Variants in SBF1 observed in about 807,000 individuals in gnomAD.
SBF1 encodes the protein SET binding factor 1.
SBF1 carries 65 observed loss-of-function variants against 215.8 expected under a neutral mutation model. The observed-to-expected ratio is 0.30, with a 90% CI of 0.25 to 0.37. The LOEUF (loss-of-function observed/expected upper bound fraction) is 0.37. Among genes scored for constraint, SBF1 ranks in the 10% least tolerant of loss-of-function variants. The probability of loss-of-function intolerance (pLI) is 1.00; values close to 1 mark genes in which losing one functional copy is unlikely to be tolerated. For synonymous variants in SBF1, 1,410 were observed against 1,122.8 expected (o/e 1.26, Z -5.11); for missense variants, 2,634 against 2,667.8 (o/e 0.99, Z 0.28).
rs2067410655 is a variant in SBF1, at chr22:50,459,543, C to T, written c.3615G>A (p.Val1205=). 1.2e-6 allele frequency: 2 copies of T among 1,610,452 alleles called. No homozygotes were observed. The highest frequency in any genetic ancestry group is 1.7e-6 in the Non-Finnish European group (2 of 1,179,722). The change falls in exon 27 of 41, where the codon GTG becomes GTA. Residue 1205 remains valine, a synonymous_variant. Transcript: ENST00000380817. The part of the protein sequence containing the change: ...VCWRSGRSKA[V]LLRSGGLHGK... ...CATGCAGGCCTCCAGAGCGCAGCAG[C>T]ACCGCCTTGGACCGCCCGCTGCGCC... is the stretch of plus-strand genomic sequence containing the variant.
chr22:50,460,226 T>C, intron 25 of SBF1, 46 bp downstream of exon 25: 2 of 1,601,458 alleles, frequency 1.2e-6, no homozygotes, highest in Non-Finnish European at 8.5e-7. Context: ...CCCTGGCCAA[T>C]GTCAGCATCC....
intron 15 of SBF1, 23 bp from the exon 16 acceptor site, chr22:50,463,455 C>T (rs760942287): frequency 1.9e-5 from 30 of 1,544,948 alleles, no homozygotes; most frequent in African/African-American, 2.7e-5. Flanking sequence ...AAAGGAGACA[C>T]GGGCTGAGGG....
In SBF1 at chr22:50,462,154, G is replaced by A. The variant is rs943067362; in HGVS notation, c.2397-35C>T. ...AGAAGAAACTGTGGGCATGGGCCCT[G>A]CCCACCACGGCCCCGCCTCCACTGG... is the stretch of plus-strand genomic sequence containing the variant. On this transcript the variant is annotated intron_variant, in intron 19 of 40. Coordinates refer to ENST00000380817, the MANE Select transcript of SBF1 (RefSeq NM_002972.4). 3.1e-6 allele frequency: 5 copies of A among 1,608,374 alleles called. No homozygotes were observed. The South Asian group carries it at 3.3e-5, about 11-fold the overall frequency.
At chr22:50,451,092 G>C (rs2067026259) in intron 36 of SBF1, among the ~76,000 whole-genome samples, 1 of 147,144 alleles carries the variant, frequency 6.8e-6, no homozygotes, top group Non-Finnish European at 1.5e-5. Flanking sequence ...CACTTTAGGA[G>C]GCCAAGGTGA....
chr22:50,462,168 C>A, intron 19 of SBF1, 37 bp downstream of exon 19: 1 of 1,607,550 alleles, frequency 6.2e-7, no homozygotes, highest in Non-Finnish European at 8.5e-7. Context: ...ACCACGGCCC[C>A]GCCTCCACTG....
chr22:50,468,458 C>A lies in SBF1; in HGVS notation c.59G>T (p.Ser20Ile), dbSNP rs187706496. ...CAGAATCTGGCCCTGGCCTTCCCCA[C>A]TCCCTGAGGACAAGAACAGGGGGTC... ...LVAFGPHPRGSGEGQGQILQR... is the reference protein window; with the variant it reads ...LVAFGPHPRGIGEGQGQILQR... The change falls in exon 2 of 41, where the codon AGT (serine) becomes ATT (isoleucine). Residue 20 changes from serine to isoleucine, a missense_variant. Physicochemically the swap from Ser to Ile is moderately radical, Grantham distance 142 (BLOSUM62 -2). Coordinates refer to ENST00000380817, the MANE Select transcript of SBF1 (RefSeq NM_002972.4). 10 of 1,602,016 alleles carry A rather than the reference C, an allele frequency of 6.2e-6. No individual in the cohort carries two copies. In the African/African-American group the frequency reaches 1.2e-4, roughly 19 times the overall value.
Position 50,464,637 on chromosome 22 carries a change from G to A in SBF1, c.1533C>T (p.Gly511=), listed in dbSNP as rs769478830. ...CCTGGTCCACGATCCACTGCACGGT[G>A]CCCTCATCCAGCCGGGGGAAGGGTC... ...VPRPFPRLDE[G]TVQWIVDQAA... is the part of the protein sequence containing the mutation. Residue 511 remains glycine, a synonymous_variant, in exon 14 of 41, where the codon GGC becomes GGT. Coordinates refer to ENST00000380817, the MANE Select transcript of SBF1 (RefSeq NM_002972.4). 6 of 1,610,058 alleles carry A rather than the reference G, an allele frequency of 3.7e-6. No individual in the cohort carries two copies. The highest frequency in any genetic ancestry group is 1.6e-4 in the Middle Eastern group (1 of 6,078).
rs750169680 is a variant in SBF1 at position 50,448,394 on chromosome 22, C to T, written c.5202G>A (p.Ser1734=). The T allele has an allele frequency of 1.2e-6, 2 of 1,613,884 alleles. No homozygotes were observed. Among genetic ancestry groups the T allele is most frequent in the Non-Finnish European group, 1.7e-6 (2 of 1,180,014 alleles). The change falls in exon 38 of 41, where the codon TCG becomes TCA. Residue 1734 remains serine (S), a synonymous_variant. Coordinates refer to ENST00000380817, the MANE Select transcript of SBF1 (RefSeq NM_002972.4). The part of the protein sequence containing the change: ...LVSTAPHHRR[S]LGVYLQEGPV... ...GCCCCTCCTGCAGGTACACACCCAG[C>T]GAGCGACGGTGGTGGGGTGCGGTGG... is the stretch of plus-strand genomic sequence containing the variant.
rs1283027387 is a variant in SBF1 at position 50,461,572 on chromosome 22, G to A, written c.2790C>T (p.Phe930=). 6.2e-7 allele frequency: 1 copy of A among 1,611,108 alleles called. No individual in the cohort carries two copies. Among genetic ancestry groups the A allele is most frequent in the East Asian group, 2.2e-5 (1 of 44,800 alleles). ...PALLPAEGAV[F]LTTYRVIFTG... The stretch of plus-strand genomic sequence containing the variant: ...TGAAGATGACCCGGTACGTGGTGAG[G>A]AAGACGGCGCCCTCAGCTGGGAGCA... Residue 930 remains phenylalanine (F), a synonymous_variant, in exon 22 of 41, where the codon TTC becomes TTT. Coordinates refer to ENST00000380817, the MANE Select transcript of SBF1 (RefSeq NM_002972.4).
Position 50,446,356 on chromosome 22 carries a change from T to TGCCCCC in SBF1, c.*785_*786insGGGGGC. The TGCCCCC allele has an allele frequency of 2.9e-5, 1 of 35,042 alleles. No individual in the cohort carries two copies. The highest frequency in any genetic ancestry group is 7.7e-4 in the South Asian group (1 of 1,298). 2.2% of individuals were successfully genotyped at this position (35,042 alleles called of 1,614,324 possible). A position where few individuals can be genotyped will look rare whatever the true frequency, so the allele number is the denominator to read the frequency against. ...CCTGCATTCCCCTGGGAGCCCACTG[T>TGCCCCC]CCCCCCCCCCCCCCCGCCTCCGGCC... is the stretch of plus-strand genomic sequence containing the variant. On this transcript the variant is annotated 3_prime_UTR_variant, in exon 41 of 41. Transcript: ENST00000380817.
chr22:50,453,306 G>A (rs2067119913), intron 36 of SBF1, among the ~76,000 whole-genome samples: 1 of 152,184 alleles, frequency 6.6e-6, no homozygotes, highest in African/African-American at 2.4e-5. Context: ...TCGCTAGAGA[G>A]AAAAAGGGAC....
intron 36 of SBF1, among the ~76,000 whole-genome samples, chr22:50,452,490 G>A (rs1386045856): frequency 2.0e-5 from 3 of 152,066 alleles, no homozygotes; most frequent in East Asian, 1.9e-4. Flanking sequence ...AGGCCAAGGC[G>A]GGCGGATCAC....
In SBF1 at chr22:50,462,457, G is replaced by A; in HGVS notation, c.2144C>T (p.Pro715Leu). 1.2e-6 allele frequency: 2 copies of A among 1,613,750 alleles called. No individual in the cohort carries two copies. Among genetic ancestry groups the A allele is most frequent in the East Asian group, 2.2e-5 (1 of 44,882 alleles). ...LAPAQEVGEA[P>L]SQEDERSALD... ...GGCAGAGCGCTCGTCCTCCTGGGAA[G>A]GTGCCTCCCCAACCTCCTGCCACGG... is the stretch of plus-strand genomic sequence containing the variant. The change falls in exon 19 of 41, where the codon CCT becomes CTT. Residue 715 changes from proline (P) to leucine (L), a missense_variant. Coordinates refer to ENST00000380817, the MANE Select transcript of SBF1 (RefSeq NM_002972.4).
chr22:50,465,432 C>G, intron 10 of SBF1, 104 bp from the exon 11 acceptor site: 1 of 966,872 alleles, frequency 1.0e-6, no homozygotes, highest in South Asian at 1.6e-5. Flanking sequence ...CTGCCCCGCT[C>G]CCATCCTTCT....
chr22:50,467,574 C>A lies in SBF1; in HGVS notation c.396G>T (p.Thr132=), dbSNP rs373068076. The A allele has an allele frequency of 1.4e-5, 22 of 1,614,086 alleles. No homozygotes were observed. The African/African-American group carries it at 2.8e-4, about 21-fold the overall frequency. The change falls in exon 4 of 41, where the codon ACG becomes ACT. Residue 132 remains threonine (T), a synonymous_variant. Coordinates refer to ENST00000380817, the MANE Select transcript of SBF1 (RefSeq NM_002972.4). ...APSAQLFAPK[T]LVLVSRLDHT... ...GGTCGAGTCGCGACACCAGTACCAGCGTCTTCGGTGCAAACAGCTGGGCAG... is the reference window on the plus strand; with the variant it reads ...GGTCGAGTCGCGACACCAGTACCAGAGTCTTCGGTGCAAACAGCTGGGCAG...
rs57951967 is a variant in SBF1 at position 50,452,723 on chromosome 22, C to CAAA, written c.5043+1786_5043+1788dup. On this transcript the variant is annotated intron_variant, in intron 36 of 40. Coordinates refer to ENST00000380817, the MANE Select transcript of SBF1 (RefSeq NM_002972.4). The stretch of plus-strand genomic sequence containing the variant: ...GGTGACTGAGGGAGACTCCATCTCT[C>CAAA]AAAAAAAAAAAAAAAAAAAAAAAAA... Among the ~76,000 whole-genome samples, 257 of 39,540 alleles carry CAAA rather than the reference C, an allele frequency of 6.5e-3. 32 individuals are homozygous for CAAA. The highest frequency in any genetic ancestry group is 0.032 in the African/African-American group (251 of 7,926). The allele number at this position is 39,540 out of a possible 152,430, so 25.9% of individuals were successfully genotyped here. A position where few individuals can be genotyped will look rare whatever the true frequency, so the allele number is the denominator to read the frequency against.
At position 50,460,618 on chromosome 22, in the gene SBF1, C is replaced by G. The variant is rs2067465752; in HGVS notation, c.3062G>C (p.Arg1021Thr). 1.9e-6 allele frequency: 3 copies of G among 1,614,108 alleles called. No homozygotes were observed. The highest frequency in any genetic ancestry group is 2.5e-6 in the Non-Finnish European group (3 of 1,180,028). ...LHKLRYPPDI[R>T]ATFAFTLGSA... Reference sequence around the variant, plus strand: ...GCCCAAGGTGAACGCAAAGGTGGCCCTGATGTCCGGCGGGTACCGCAGCTT... The same window carrying G: ...GCCCAAGGTGAACGCAAAGGTGGCCGTGATGTCCGGCGGGTACCGCAGCTT... The change falls in exon 24 of 41, where the codon AGG (arginine) becomes ACG (threonine). Residue 1021 changes from arginine (R) to threonine (T), a missense_variant. Arg to Thr is a moderately conservative substitution (Grantham distance 71). Transcript: ENST00000380817.
chr22:50,454,370 G>A, intron 36 of SBF1, 142 bp downstream of exon 36: 2 of 713,648 alleles, frequency 2.8e-6, no homozygotes, highest in African/African-American at 1.8e-5. Context: ...TTCACATGGT[G>A]GGGAGACGGC....
chr22:50,461,488 A>AG (rs757301441), intron 22 of SBF1, 35 bp downstream of exon 22: 19 of 1,556,406 alleles, frequency 1.2e-5, no homozygotes, highest in Non-Finnish European at 1.7e-5. Flanking sequence ...CCTGGGGGAG[A>AG]GGGGGCGACA....
Sources: gnomAD v4.1 joint callset for allele counts (sites outside exome capture counted in the v4.1 genomes callset) on GRCh38, gnomAD v4.1.1 for gene constraint, MANE v1.5 for transcripts, NCBI Gene and HGNC (gene_info 2026-07-23, HGNC 2026-07-21) for gene names.